THRB: variants seen among roughly 807,000 people sequenced by gnomAD.
THRB encodes thyroid hormone receptor beta.
In THRB, 12 loss-of-function variants were observed where a neutral mutation model predicts 47.8. The observed-to-expected ratio is 0.25, with a 90% confidence interval of 0.16 to 0.41. The LOEUF (loss-of-function observed/expected upper bound fraction) is 0.41. Ranked by LOEUF, THRB falls within the 10% of genes least tolerant of loss-of-function variation. The probability of loss-of-function intolerance (pLI) is 1.00; values close to 1 mark genes in which losing one functional copy is unlikely to be tolerated. For missense variants in THRB, 348 were observed against 589.2 expected (o/e 0.59, Z 4.24); for synonymous variants, 218 against 212.2 (o/e 1.03, Z -0.24).
intron 3 of THRB, among the ~76,000 whole-genome samples, chr3:24,243,710 T>C (rs562662556): frequency 8.5e-4 from 130 of 152,254 alleles, no homozygotes; most frequent in African/African-American, 3.1e-3. Context: ...ACTTCTGTGC[T>C]TTGCTGCTGC....
chr3:24,257,159 G>A (rs1052762744), intron 3 of THRB, among the ~76,000 whole-genome samples: 2 of 152,086 alleles, frequency 1.3e-5, no homozygotes, highest in Non-Finnish European at 2.9e-5. Flanking sequence ...AAACATTCAC[G>A]ATGTCCTCAA....
rs139644236 is a variant in THRB, at chr3:24,174,596, G to A, written c.283+15478C>T. ...TTTTAAGATAAAGCTTAAAGACTTA[G>A]AAGTCTTTTGCAATGTAGCTCCTGA... is the stretch of plus-strand genomic sequence containing the variant. On this transcript the variant is annotated intron_variant, in intron 5 of 10. Coordinates refer to ENST00000646209, the MANE Select transcript of THRB (RefSeq NM_001354712.2). Among the ~76,000 whole-genome samples, 3 of 152,168 alleles carry A rather than the reference G, an allele frequency of 2.0e-5. No individual in the cohort carries two copies. The East Asian group carries it at 5.8e-4, about 29-fold the overall frequency.
chr3:24,479,010 A>G (rs925270011), intron 1 of THRB, among the ~76,000 whole-genome samples: 2 of 152,134 alleles, frequency 1.3e-5, no homozygotes, highest in African/African-American at 4.8e-5. Flanking sequence ...TAAATATCCT[A>G]TAATGCGGCC....
At chr3:24,287,469 T>A (rs1176625417) in intron 3 of THRB, among the ~76,000 whole-genome samples, 3 of 152,150 alleles carry the variant, frequency 2.0e-5, no homozygotes, top group Non-Finnish European at 4.4e-5. Context: ...AAGAAGAAAA[T>A]CAGTTCTAGT....
At chr3:24,300,663 C>T (rs937905968) in intron 2 of THRB, among the ~76,000 whole-genome samples, 6 of 152,162 alleles carry the variant, frequency 3.9e-5, no homozygotes, top group Non-Finnish European at 8.8e-5. Flanking sequence ...TTAGACTCCC[C>T]CCATCTCTTC....
chr3:24,281,910 T>C (rs1002815453), intron 3 of THRB, among the ~76,000 whole-genome samples: 2 of 150,812 alleles, frequency 1.3e-5, no homozygotes, highest in Non-Finnish European at 2.9e-5. Context: ...ATGCACCCAA[T>C]ACAGGAGCAC....
intron 1 of THRB, among the ~76,000 whole-genome samples, chr3:24,456,404 T>A (rs2073178901): frequency 6.6e-6 from 1 of 151,926 alleles, no homozygotes; most frequent in African/African-American, 2.4e-5. Flanking sequence ...GTTTTGGTTG[T>A]CACCTGATAG....
intron 1 of THRB, among the ~76,000 whole-genome samples, chr3:24,446,299 C>G (rs1328887204): frequency 2.0e-5 from 3 of 152,066 alleles, no homozygotes; most frequent in African/African-American, 4.8e-5. Flanking sequence ...AAAGAATTGT[C>G]CCAGAAGCCA....
chr3:24,183,354 T>G (rs2042152214), intron 5 of THRB, among the ~76,000 whole-genome samples: 1 of 142,458 alleles, frequency 7.0e-6, no homozygotes, highest in Non-Finnish European at 1.5e-5. Context: ...TTTCTTCTTT[T>G]TCTTTTTTCT....
chr3:24,456,757 A>G (rs1381859535), intron 1 of THRB, among the ~76,000 whole-genome samples: 3 of 151,978 alleles, frequency 2.0e-5, no homozygotes, highest in Non-Finnish European at 2.9e-5. Context: ...ATAGTATACA[A>G]TATCTTATAC....
intron 1 of THRB, among the ~76,000 whole-genome samples, chr3:24,351,607 T>A (rs1054536553): frequency 1.3e-5 from 2 of 152,152 alleles, no homozygotes; most frequent in Non-Finnish European, 2.9e-5. Context: ...CTTCTTATAG[T>A]GTATGCATCT....
chr3:24,285,102 A>T (rs2055118391), intron 3 of THRB, among the ~76,000 whole-genome samples: 1 of 151,468 alleles, frequency 6.6e-6, no homozygotes, highest in Non-Finnish European at 1.5e-5. Context: ...AAAGGACTAT[A>T]AATCATGCTG....
rs1575380132 is a variant in THRB, at chr3:24,143,835, T to C, written c.533-129A>G. The C allele has an allele frequency of 5.6e-6, 5 of 887,308 alleles. No individual in the cohort carries two copies. In the South Asian group the frequency reaches 5.7e-5, roughly 10 times the overall value. 55.0% of individuals were successfully genotyped at this position (887,308 alleles called of 1,614,324 possible). ...GGCTTACTGGGTCCTTCGGGGTGGG[T>C]CACACTGGGACAGTTTCTCTCCTCA... On this transcript the variant is annotated intron_variant, in intron 7 of 10. Transcript: ENST00000646209.
At chr3:24,424,492 G>T (rs1180026399) in intron 1 of THRB, among the ~76,000 whole-genome samples, 1 of 151,866 alleles carries the variant, frequency 6.6e-6, no homozygotes. Flanking sequence ...AAATTCTTTG[G>T]TTCCACCCAG....
At chr3:24,349,350 G>A (rs1470184190) in intron 1 of THRB, among the ~76,000 whole-genome samples, 1 of 151,804 alleles carries the variant, frequency 6.6e-6, no homozygotes, top group South Asian at 2.1e-4. Flanking sequence ...GTGGAAATTA[G>A]TAAACTAATT....
chr3:24,236,201 T>G (rs1258851328), intron 3 of THRB, among the ~76,000 whole-genome samples: 1 of 152,174 alleles, frequency 6.6e-6, no homozygotes, highest in Non-Finnish European at 1.5e-5. Context: ...TGGGGAATAT[T>G]TTAAAGAACA....
chr3:24,141,823 C>G (rs978844218), intron 8 of THRB, among the ~76,000 whole-genome samples: 1 of 152,132 alleles, frequency 6.6e-6, no homozygotes, highest in Non-Finnish European at 1.5e-5. Flanking sequence ...CAGTGCCAGG[C>G]CTGGAAGTGG....
chr3:24,368,031 G>C lies in THRB; in HGVS notation c.-260-30660C>G, dbSNP rs546579016. On this transcript the variant is annotated intron_variant, in intron 1 of 10. Coordinates refer to ENST00000646209, the MANE Select transcript of THRB (RefSeq NM_001354712.2). ...GTTGGAGAGCCAGAGTTGGTCTATG[G>C]GTCATAGTTCACTAATCCCACATAC... Among the ~76,000 whole-genome samples, 6 of 152,018 alleles carry C rather than the reference G, an allele frequency of 3.9e-5. No individual in the cohort carries two copies. The South Asian group carries it at 1.2e-3, about 32-fold the overall frequency.
intron 10 of THRB, among the ~76,000 whole-genome samples, chr3:24,123,378 CCTT>C (rs1456273868): frequency 6.6e-6 from 1 of 152,138 alleles, no homozygotes; most frequent in Non-Finnish European, 1.5e-5. Context: ...GTGTGAATTA[CCTT>C]CTTGAGTGTG....
Sources: allele counts gnomAD v4.1 joint callset (sites outside exome capture counted in the v4.1 genomes callset), GRCh38; gene constraint gnomAD v4.1.1; transcripts MANE v1.5; gene names NCBI Gene and HGNC (gene_info 2026-07-23, HGNC 2026-07-21).